NR5A2: variants seen among roughly 807,000 people sequenced by gnomAD.
NR5A2 encodes the protein CYP7A promoter-binding factor.
NR5A2 carries 26 observed loss-of-function variants against 62.7 expected under a neutral mutation model. That is an observed-to-expected ratio of 0.41 (90% CI 0.30 to 0.58). The LOEUF is 0.58. Among genes scored for constraint, NR5A2 ranks in the 20% least tolerant of loss-of-function variants. The pLI, the probability that NR5A2 is intolerant of heterozygous loss-of-function variation, is 0.22. For synonymous variants in NR5A2, 246 were observed against 241.7 expected (o/e 1.02, Z -0.16); for missense variants, 541 against 669.1 (o/e 0.81, Z 2.11).
chr1:200,084,006 TAAA>T (rs1664415508), intron 5 of NR5A2, among the ~76,000 whole-genome samples: 1 of 139,964 alleles, frequency 7.1e-6, no homozygotes, highest in South Asian at 2.3e-4. Context: ...ATAATAATAA[TAAA>T]GTACAGTTTA....
At chr1:200,138,659 C>T (rs1667326300) in intron 7 of NR5A2, among the ~76,000 whole-genome samples, 1 of 152,118 alleles carries the variant, frequency 6.6e-6, no homozygotes, top group Admixed American at 6.5e-5. Context: ...TTTTCCCACA[C>T]TGCTTACTGA....
intron 5 of NR5A2, among the ~76,000 whole-genome samples, chr1:200,062,302 T>G (rs1486351878): frequency 1.3e-5 from 2 of 151,634 alleles, no homozygotes; most frequent in Non-Finnish European, 2.9e-5. Context: ...GTGCATATCC[T>G]GTTTTCACAC....
rs142863649 is a variant in NR5A2 at position 200,135,183 on chromosome 1, C to T, written c.1378+14228C>T. 7.2e-5 allele frequency among the ~76,000 whole-genome samples: 11 copies of T among 152,284 alleles called. No individual in the cohort carries two copies. In the East Asian group the frequency reaches 1.9e-3, roughly 27 times the overall value. On this transcript the variant is annotated intron_variant, in intron 7 of 7. Coordinates refer to ENST00000367362, the MANE Select transcript of NR5A2 (RefSeq NM_205860.3). ...GGGCCACTGATTCCAGATCTGCTGT[C>T]GTCACTCACAGGCAAGGAAGTCTTT...
At chr1:200,161,525 A>T (rs534836652) in intron 7 of NR5A2, among the ~76,000 whole-genome samples, 13 of 152,300 alleles carry the variant, frequency 8.5e-5, no homozygotes, top group African/African-American at 3.1e-4. Context: ...GTGGTCCCTA[A>T]CACAGCTCAC....
In NR5A2 at chr1:200,117,368, G is replaced by A. The variant is rs1230348455; in HGVS notation, c.1231-3440G>A. ...TTTGATAAATATCCTTGAAAGAAAT[G>A]TTTTCTAAGCCCCCATTTAATAAGC... is the stretch of plus-strand genomic sequence containing the variant. On this transcript the variant is annotated intron_variant, in intron 6 of 7. Transcript: ENST00000367362. Among the ~76,000 whole-genome samples the A allele has an allele frequency of 2.0e-5, 3 of 152,152 alleles. No homozygotes were observed. The East Asian group carries it at 5.8e-4, about 29-fold the overall frequency.
Position 200,116,317 on chromosome 1 carries a change from G to A in NR5A2, c.1231-4491G>A, listed in dbSNP as rs147145254. On this transcript the variant is annotated intron_variant, in intron 6 of 7. Transcript: ENST00000367362. The stretch of plus-strand genomic sequence containing the variant: ...TTTTTCTTACTAAACACAGCTCACT[G>A]TAAATAATGTGGTGAATTTGTCATA... Among the ~76,000 whole-genome samples, 494 of 152,246 alleles carry A rather than the reference G, an allele frequency of 3.2e-3. 1 individual carries two copies. Among genetic ancestry groups the A allele is most frequent in the African/African-American group, 0.012 (485 of 41,546 alleles).
chr1:200,114,253 CAAATATAT>C (rs1666109753), intron 6 of NR5A2, among the ~76,000 whole-genome samples: 1 of 151,358 alleles, frequency 6.6e-6, no homozygotes, highest in Admixed American at 6.6e-5. Flanking sequence ...CACATACACA[CAAATATAT>C]CTACATATAT....
At chr1:200,133,995 A>C (rs979139167) in intron 7 of NR5A2, among the ~76,000 whole-genome samples, 3 of 152,142 alleles carry the variant, frequency 2.0e-5, no homozygotes, top group Non-Finnish European at 4.4e-5. Context: ...TAACAAAAAA[A>C]GTTTAAAAAG....
At chr1:200,036,117 G>A (rs2737674) in intron 1 of NR5A2, among the ~76,000 whole-genome samples, 7,359 of 152,226 alleles carry the variant, frequency 0.048, 331 homozygotes, top group African/African-American at 0.11. Context: ...ATGGGTCAGT[G>A]CAGACCACCG....
rs78340618 is a variant in NR5A2 at position 200,041,694 on chromosome 1, C to A, written c.202+1899C>A. ...GCCCCGATGAGTTCGCCTCCCCAAA[C>A]GCCTACTTCGGCTGCACCAGAGCAT... On this transcript the variant is annotated intron_variant, in intron 2 of 7. Transcript: ENST00000367362. Among the ~76,000 whole-genome samples the A allele has an allele frequency of 7.0e-3, 1,066 of 152,222 alleles. 16 individuals carry two copies. Among genetic ancestry groups the A allele is most frequent in the African/African-American group, 0.025 (1,032 of 41,522 alleles).
intron 5 of NR5A2, among the ~76,000 whole-genome samples, chr1:200,051,211 AGAC>A (rs1351249762): frequency 1.3e-5 from 2 of 152,224 alleles, no homozygotes; most frequent in East Asian, 1.9e-4. Context: ...TAAAAAATAA[AGAC>A]AGCCGCAGAG....
At chr1:200,029,440 C>T (rs184547288) in intron 1 of NR5A2, 1 of 153,974 alleles carries the variant, frequency 6.5e-6, no homozygotes, top group Non-Finnish European at 1.4e-5. Context: ...CCTGGAAGAA[C>T]TGTGTTTCCA....
chr1:200,041,444 G>T (rs533041541), intron 2 of NR5A2, among the ~76,000 whole-genome samples: 5 of 152,138 alleles, frequency 3.3e-5, no homozygotes, highest in Admixed American at 6.5e-5. Flanking sequence ...GTCGGGAGGA[G>T]CCCCTGGGGG....
At chr1:200,164,070 C>T (rs1653780868) in intron 7 of NR5A2, among the ~76,000 whole-genome samples, 1 of 151,772 alleles carries the variant, frequency 6.6e-6, no homozygotes, top group Admixed American at 6.6e-5. Flanking sequence ...TGTGTATCAC[C>T]TCCCTACACA....
Position 200,040,938 on chromosome 1 carries a change from G to A in NR5A2, c.202+1143G>A, listed in dbSNP as rs74136121. Among the ~76,000 whole-genome samples, 912 of 152,332 alleles carry A rather than the reference G, an allele frequency of 6.0e-3. 9 individuals carry two copies. The highest frequency in any genetic ancestry group is 0.02 in the African/African-American group (817 of 41,588). On this transcript the variant is annotated intron_variant, in intron 2 of 7. Transcript: ENST00000367362. ...TCCTGGGGTCTCCCCAAGCCTCTAG[G>A]TAGGGCTGTGAGAGTCCCCTAGAGC...
intron 1 of NR5A2, among the ~76,000 whole-genome samples, chr1:200,033,082 C>T (rs1661604702): frequency 6.6e-6 from 1 of 152,164 alleles, no homozygotes; most frequent in African/African-American, 2.4e-5. Context: ...GTGGAAATCA[C>T]ATCTGGGAGG....
chr1:200,170,255 A>G (rs971452225), intron 7 of NR5A2, among the ~76,000 whole-genome samples: 1 of 152,200 alleles, frequency 6.6e-6, no homozygotes, highest in Non-Finnish European at 1.5e-5. Context: ...TCCAGAGAAA[A>G]TGGAAATCAG....
intron 5 of NR5A2, among the ~76,000 whole-genome samples, chr1:200,058,799 GT>G (rs1348940621): frequency 2.6e-4 from 36 of 138,534 alleles, no homozygotes; most frequent in Admixed American, 8.9e-4. Flanking sequence ...TTTTGTTTTT[GT>G]TTTTTTTTTT....
At chr1:200,151,567 G>A (rs183789449) in intron 7 of NR5A2, among the ~76,000 whole-genome samples, 2 of 152,174 alleles carry the variant, frequency 1.3e-5, no homozygotes, top group East Asian at 3.9e-4. Context: ...GACTGCATTA[G>A]AAAAATCAAC....
Sources: gnomAD v4.1 joint callset for allele counts (sites outside exome capture counted in the v4.1 genomes callset) on GRCh38, gnomAD v4.1.1 for gene constraint, MANE v1.5 for transcripts, NCBI Gene and HGNC (gene_info 2026-07-23, HGNC 2026-07-21) for gene names.